Variants in TMEM178B observed in about 807,000 individuals in gnomAD.
The protein encoded by TMEM178B is transmembrane protein 178B.
A neutral mutation model predicts 31.0 loss-of-function variants in TMEM178B; 5 were observed. The ratio of observed to expected loss-of-function variants is 0.16; its 90% CI spans 0.08 to 0.34. The LOEUF is 0.34. TMEM178B is among the 10% of genes least tolerant of loss of function. TMEM178B has a pLI of 1.00. For synonymous variants in TMEM178B, 164 were observed against 164.0 expected, an observed-to-expected ratio of 1.00 and a Z score of 0.00; for missense variants, 275 against 400.3, an observed-to-expected ratio of 0.69 and a Z score of 2.67.
At chr7:141,287,955 T>C (rs1350872664) in intron 2 of TMEM178B, among the ~76,000 whole-genome samples, 3 of 152,224 alleles carry the variant, frequency 2.0e-5, no homozygotes, top group Non-Finnish European at 4.4e-5. Context: ...CTCTGAGCAG[T>C]GGATTCATCA....
chr7:141,102,319 G>A (rs143675894), intron 1 of TMEM178B, among the ~76,000 whole-genome samples: 106 of 152,216 alleles, frequency 7.0e-4, no homozygotes, highest in Non-Finnish European at 1.3e-3. Flanking sequence ...TATGAAGAAA[G>A]GTTTTTATTC....
chr7:141,367,559 C>T (rs1012205603), intron 2 of TMEM178B, among the ~76,000 whole-genome samples: 1 of 152,124 alleles, frequency 6.6e-6, no homozygotes, highest in Non-Finnish European at 1.5e-5. Context: ...AGCCACTGCG[C>T]CCAGCTGACA....
chr7:141,469,144 A>G (rs545251043), intron 3 of TMEM178B, among the ~76,000 whole-genome samples: 4 of 152,266 alleles, frequency 2.6e-5, no homozygotes, highest in South Asian at 2.1e-4. Context: ...TTGCTTATCT[A>G]TGTCTGCAGC....
In TMEM178B at chr7:141,145,483, C is replaced by G. The variant is rs188962235; in HGVS notation, c.383-67108C>G. Among the ~76,000 whole-genome samples the G allele has an allele frequency of 4.3e-3, 657 of 152,334 alleles. 4 individuals carry two copies. The highest frequency in any genetic ancestry group is 7.0e-3 in the Non-Finnish European group (478 of 68,034). ...TAAGAGGGCTCCTTCTTTCTAGGAA[C>G]AGAAAGATGGCCTTTGTTTATTTCC... is the stretch of plus-strand genomic sequence containing the variant. On this transcript the variant is annotated intron_variant, in intron 1 of 3. Coordinates refer to ENST00000565468, the MANE Select transcript of TMEM178B (RefSeq NM_001195278.2).
At chr7:141,263,341 T>C (rs951279941) in intron 2 of TMEM178B, among the ~76,000 whole-genome samples, 1 of 152,172 alleles carries the variant, frequency 6.6e-6, no homozygotes, top group African/African-American at 2.4e-5. Flanking sequence ...GATAACATTT[T>C]CCAGGCTGAT....
the TMEM178B span, among the ~76,000 whole-genome samples, chr7:141,489,350 C>G: frequency 3.3e-5 from 5 of 152,152 alleles, no homozygotes; most frequent in African/African-American, 7.2e-5. Flanking sequence ...ATTTTGCCCC[C>G]CTTTGTCCCT....
intron 2 of TMEM178B, among the ~76,000 whole-genome samples, chr7:141,235,733 C>G (rs1175625176): frequency 1.3e-5 from 2 of 152,218 alleles, no homozygotes; most frequent in Non-Finnish European, 2.9e-5. Context: ...AGTCCCCATA[C>G]TTCATGGGGT....
At chr7:141,450,411 G>A (rs138091385) in intron 3 of TMEM178B, among the ~76,000 whole-genome samples, 2 of 152,344 alleles carry the variant, frequency 1.3e-5, no homozygotes, top group Non-Finnish European at 2.9e-5. Context: ...ATTGTAGAGA[G>A]GAGCCAGATA....
At chr7:141,307,888 G>A (rs1342520260) in intron 2 of TMEM178B, among the ~76,000 whole-genome samples, 1 of 152,158 alleles carries the variant, frequency 6.6e-6, no homozygotes, top group African/African-American at 2.4e-5. Flanking sequence ...TGGTCACATT[G>A]TTAGAAATAT....
At chr7:141,385,895 T>A (rs982766381) in intron 2 of TMEM178B, among the ~76,000 whole-genome samples, 1 of 152,236 alleles carries the variant, frequency 6.6e-6, no homozygotes, top group African/African-American at 2.4e-5. Context: ...TGATTCCAGC[T>A]GCTAGTTTGG....
intron 2 of TMEM178B, chr7:141,429,579 T>C (rs932833062): frequency 6.6e-6 from 1 of 152,160 alleles, no homozygotes; most frequent in Admixed American, 6.5e-5. Flanking sequence ...GGTCAAAGGA[T>C]ACATAATTAC....
intron 1 of TMEM178B, among the ~76,000 whole-genome samples, chr7:141,189,262 G>A (rs776441633): frequency 4.6e-5 from 7 of 152,276 alleles, no homozygotes; most frequent in South Asian, 4.1e-4. Context: ...GATTGGCCAC[G>A]TGAAGCATTG....
intron 2 of TMEM178B, among the ~76,000 whole-genome samples, chr7:141,251,396 G>C (rs1263711232): frequency 6.6e-6 from 1 of 152,032 alleles, no homozygotes; most frequent in Non-Finnish European, 1.5e-5. Flanking sequence ...CCAGAAAGGG[G>C]TGTGATGCAA....
the TMEM178B span, among the ~76,000 whole-genome samples, chr7:141,487,568 C>G: frequency 6.6e-6 from 1 of 151,590 alleles, no homozygotes; most frequent in Non-Finnish European, 1.5e-5. Context: ...AGTGAAACCC[C>G]GTCTCTACTA....
At chr7:141,291,719 T>C (rs1798549386) in intron 2 of TMEM178B, among the ~76,000 whole-genome samples, 1 of 152,186 alleles carries the variant, frequency 6.6e-6, no homozygotes, top group East Asian at 1.9e-4. Flanking sequence ...GTGGGAAATG[T>C]AGAGACAACA....
intron 2 of TMEM178B, among the ~76,000 whole-genome samples, chr7:141,350,788 A>G (rs1163038159): frequency 6.6e-6 from 1 of 152,208 alleles, no homozygotes; most frequent in Non-Finnish European, 1.5e-5. Context: ...TTACATACAC[A>G]CACACAAAAC....
intron 1 of TMEM178B, among the ~76,000 whole-genome samples, chr7:141,168,436 A>G (rs1288757160): frequency 6.6e-6 from 1 of 152,160 alleles, no homozygotes; most frequent in Admixed American, 6.5e-5. Context: ...CAAAGGGGCA[A>G]ACTGAGAAAT....
At chr7:141,147,701 C>T (rs1795877470) in intron 1 of TMEM178B, among the ~76,000 whole-genome samples, 1 of 152,132 alleles carries the variant, frequency 6.6e-6, no homozygotes, top group African/African-American at 2.4e-5. Flanking sequence ...ACCACGCTGC[C>T]ATCAGCTGAG....
intron 3 of TMEM178B, among the ~76,000 whole-genome samples, chr7:141,444,816 C>T (rs1801723370): frequency 6.6e-6 from 1 of 151,910 alleles, no homozygotes; most frequent in South Asian, 2.1e-4. Flanking sequence ...TGAAGATCTC[C>T]CATGTTCAAC....
Sources: gnomAD v4.1 joint callset for allele counts (sites outside exome capture counted in the v4.1 genomes callset) on GRCh38, gnomAD v4.1.1 for gene constraint, MANE v1.5 for transcripts, NCBI Gene and HGNC (gene_info 2026-07-23, HGNC 2026-07-21) for gene names.